Variants in TECTA observed in about 807,000 individuals in gnomAD.
TECTA encodes the protein alpha-tectorin.
Under a neutral mutation model 216.8 loss-of-function variants are expected in TECTA, and 128 were observed. The ratio of observed to expected loss-of-function variants is 0.59; its 90% CI spans 0.51 to 0.68. The LOEUF (loss-of-function observed/expected upper bound fraction) is 0.68, where lower values mean the gene tolerates loss of function less well. TECTA is among the 30% of genes least tolerant of loss of function. The pLI is 0.00. For synonymous variants in TECTA, 1,089 were observed against 1,117.1 expected (o/e 0.97, Z 0.50); for missense variants, 2,551 against 2,786.2 (o/e 0.92, Z 1.90).
intron 7 of TECTA, among the ~76,000 whole-genome samples, chr11:121,123,552 G>A (rs771829799): frequency 6.6e-6 from 1 of 152,160 alleles, no homozygotes; most frequent in African/African-American, 2.4e-5. Context: ...TAGCCAGAAG[G>A]AGCTTTCTAA....
intron 10 of TECTA, among the ~76,000 whole-genome samples, chr11:121,136,437 C>T (rs950465629): frequency 5.3e-5 from 8 of 151,846 alleles, no homozygotes; most frequent in Non-Finnish European, 8.8e-5. Flanking sequence ...AGGAGGTGGA[C>T]GAGGCCAGAG....
Position 121,189,113 on chromosome 11 carries a change from T to A in TECTA, c.6196T>A (p.Tyr2066Asn). Residue 2066 changes from tyrosine (Y) to asparagine (N), a missense_variant, in exon 22 of 24, where the codon TAC becomes AAC. By Grantham distance (143) the Tyr-to-Asn change is moderately radical. Coordinates refer to ENST00000392793, the MANE Select transcript of TECTA (RefSeq NM_005422.4). ...ACACAATTCCAGGATTGCCACAGAT[T>A]ACACAAAAGAGCCCAAAGAACAGAT... ...CPHNSRIATD[Y>N]TKEPKEQIIS... 1 of 1,614,158 alleles carries A rather than the reference T, an allele frequency of 6.2e-7. No individual in the cohort carries two copies. The highest frequency in any genetic ancestry group is 8.5e-7 in the Non-Finnish European group (1 of 1,180,016).
At chr11:121,183,607 C>T (rs1426659428) in intron 20 of TECTA, among the ~76,000 whole-genome samples, 1 of 152,018 alleles carries the variant, frequency 6.6e-6, no homozygotes, top group Non-Finnish European at 1.5e-5. Flanking sequence ...AGTGTTCTTT[C>T]TTTGATGCTC....
Position 121,128,718 on chromosome 11 carries a change from G to T in TECTA, c.2367+374G>T, listed in dbSNP as rs1946641758. 2.0e-5 allele frequency among the ~76,000 whole-genome samples: 3 copies of T among 152,206 alleles called. No individual in the cohort carries two copies. The South Asian group carries it at 6.2e-4, about 32-fold the overall frequency. ...AGAGAGGCTAAGTAACTTCCACAGG[G>T]ACACCTAACCGTGAAGGGAGATTCA... On this transcript the variant is annotated intron_variant, in intron 9 of 23. Coordinates refer to ENST00000392793, the MANE Select transcript of TECTA (RefSeq NM_005422.4).
At chr11:121,165,458 A>G in intron 17 of TECTA, 75 bp downstream of exon 17, 2 of 1,248,362 alleles carry the variant, frequency 1.6e-6, no homozygotes, top group Non-Finnish European at 1.1e-6. Context: ...ACCTTGATGC[A>G]TCCCACTTTG....
At chr11:121,188,100 G>T in intron 21 of TECTA, 106 bp downstream of exon 21, 1 of 1,228,050 alleles carries the variant, frequency 8.1e-7, no homozygotes, top group East Asian at 2.4e-5. Flanking sequence ...ATCATCCATA[G>T]ATGCTTGGGG....
chr11:121,166,370 T>G (rs1947053102), intron 17 of TECTA, among the ~76,000 whole-genome samples: 1 of 152,222 alleles, frequency 6.6e-6, no homozygotes, highest in South Asian at 2.1e-4. Flanking sequence ...TTTATCCTTT[T>G]AAAAAGGCTC....
chr11:121,162,064 A>C lies in TECTA; in HGVS notation c.4977-11A>C, dbSNP rs778418809. ...TCAGATGGCTGTTTTTGCTTCACTCAGTCTGACCAGACCTCTTGCCCCCAG... is the reference window on the plus strand; with the variant it reads ...TCAGATGGCTGTTTTTGCTTCACTCCGTCTGACCAGACCTCTTGCCCCCAG... On this transcript the variant is annotated splice_polypyrimidine_tract_variant and intron_variant, in intron 15 of 23. Transcript: ENST00000392793. The C allele has an allele frequency of 6.2e-7, 1 of 1,613,746 alleles. No individual in the cohort carries two copies. Among genetic ancestry groups the C allele is most frequent in the Non-Finnish European group, 8.5e-7 (1 of 1,180,028 alleles).
chr11:121,125,754 T>C lies in TECTA; in HGVS notation c.1656T>C (p.Tyr552=), dbSNP rs752725178. 3.1e-6 allele frequency: 5 copies of C among 1,614,214 alleles called. No homozygotes were observed. The South Asian group carries it at 4.4e-5, about 14-fold the overall frequency. Residue 552 remains tyrosine (Y), a synonymous_variant, in exon 8 of 24, where the codon TAT becomes TAC. Transcript: ENST00000392793. ...CTGCTTTTGTGCACAGCTGCGTGTA[T>C]GACCTGTGCAGTGTGAGGGACAATG... ...DPTAFVHSCV[Y]DLCSVRDNGT... is the part of the protein sequence containing the mutation.
At chr11:121,108,182 A>G (rs1308995354) in intron 3 of TECTA, among the ~76,000 whole-genome samples, 1 of 151,812 alleles carries the variant, frequency 6.6e-6, no homozygotes, top group East Asian at 1.9e-4. Flanking sequence ...ATGCTTATTT[A>G]TTTTTCCTGC....
chr11:121,173,242 T>G (rs1947130949), intron 20 of TECTA, among the ~76,000 whole-genome samples: 1 of 150,958 alleles, frequency 6.6e-6, no homozygotes, highest in East Asian at 1.9e-4. Flanking sequence ...GCTTTTGGTG[T>G]TTTAGACATG....
At chr11:121,109,603 G>C in intron 4 of TECTA, 105 bp downstream of exon 4, 1 of 1,380,862 alleles carries the variant, frequency 7.2e-7, no homozygotes, top group Non-Finnish European at 1.0e-6. Flanking sequence ...AGGAGTGTCA[G>C]TTCCCTTGAG....
At chr11:121,143,945 A>G (rs1321338683) in intron 11 of TECTA, among the ~76,000 whole-genome samples, 1 of 152,178 alleles carries the variant, frequency 6.6e-6, no homozygotes, top group Non-Finnish European at 1.5e-5. Flanking sequence ...CTACCCTTGA[A>G]TTAGGGGGTC....
intron 20 of TECTA, among the ~76,000 whole-genome samples, chr11:121,175,050 T>A (rs1479090488): frequency 6.6e-6 from 1 of 152,090 alleles, no homozygotes; most frequent in South Asian, 2.1e-4. Flanking sequence ...CCCTTTATCA[T>A]TTTTTATTGC....
intron 7 of TECTA, among the ~76,000 whole-genome samples, chr11:121,121,001 G>T (rs934802816): frequency 6.6e-6 from 1 of 152,204 alleles, no homozygotes; most frequent in African/African-American, 2.4e-5. Context: ...GGCCTTGGCG[G>T]CCTCTCCTCA....
At chr11:121,147,691 G>T (rs909290046) in intron 12 of TECTA, among the ~76,000 whole-genome samples, 2 of 152,168 alleles carry the variant, frequency 1.3e-5, no homozygotes, top group Non-Finnish European at 2.9e-5. Flanking sequence ...ACGTGGTGCA[G>T]AATGGGGAAG....
At position 121,118,378 on chromosome 11, in the gene TECTA, T is replaced by C. The variant is rs771105351; in HGVS notation, c.863T>C (p.Phe288Ser). The C allele has an allele frequency of 8.7e-6, 14 of 1,614,046 alleles. No individual in the cohort carries two copies. The highest frequency in any genetic ancestry group is 1.2e-5 in the Non-Finnish European group (14 of 1,180,044). The change falls in exon 7 of 24, where the codon TTC becomes TCC. Residue 288 changes from phenylalanine to serine, a missense_variant. Physicochemically the swap from Phe to Ser is radical, Grantham distance 155 (BLOSUM62 -2). Around this residue, in one of 3 missense-constraint regions of TECTA, gnomAD observed 2,375 missense variants for 2,563.9 expected, o/e 0.93. Coordinates refer to ENST00000392793, the MANE Select transcript of TECTA (RefSeq NM_005422.4). Reference protein sequence around the residue: ...NCTVKCRCLDFNNEIYCQEAS... With the variant: ...NCTVKCRCLDSNNEIYCQEAS... ...ACCGTCAAGTGCCGCTGTCTGGATTTCAACAATGAGATCTACTGCCAGGAG... is the reference window on the plus strand; with the variant it reads ...ACCGTCAAGTGCCGCTGTCTGGATTCCAACAATGAGATCTACTGCCAGGAG...
Position 121,118,285 on chromosome 11 carries a change from TC to T in TECTA, c.791-20del. ...GGGGAAATGCTCAGTAAATGTTGGC[TC>T]TAATGTCATTATTCCCCAGGACAAT... On this transcript the variant is annotated intron_variant, in intron 6 of 23. Transcript: ENST00000392793. The T allele has an allele frequency of 6.2e-7, 1 of 1,613,908 alleles. No individual in the cohort carries two copies. The highest frequency in any genetic ancestry group is 8.5e-7 in the Non-Finnish European group (1 of 1,179,996).
intron 12 of TECTA, among the ~76,000 whole-genome samples, chr11:121,151,046 A>T (rs1012949348): frequency 6.6e-6 from 1 of 152,268 alleles, no homozygotes; most frequent in Non-Finnish European, 1.5e-5. Context: ...AAAAAAAGAC[A>T]TATAAATGGA....
Sources: allele counts gnomAD v4.1 joint callset (sites outside exome capture counted in the v4.1 genomes callset), GRCh38; gene constraint gnomAD v4.1.1; regional missense constraint gnomAD v4.1.1; transcripts MANE v1.5; gene names NCBI Gene and HGNC (gene_info 2026-07-23, HGNC 2026-07-21).